The following DEUP1 variants were observed in gnomAD, a reference collection of about 807,000 sequenced individuals.
The protein encoded by DEUP1 is coiled-coil domain containing 67.
A neutral mutation model predicts 87.4 loss-of-function variants in DEUP1; 82 were observed. The ratio of observed to expected loss-of-function variants is 0.94; its 90% confidence interval spans 0.78 to 1.13. The LOEUF (loss-of-function observed/expected upper bound fraction) is 1.13. Ranked by LOEUF, DEUP1 falls within the 50% of genes most tolerant of loss-of-function variation. The pLI is 0.00. For synonymous variants in DEUP1, 214 were observed against 222.7 expected (o/e 0.96, Z 0.35); for missense variants, 663 against 681.5 (o/e 0.97, Z 0.30).
At chr11:93,348,176 A>C (rs1390767281) in intron 2 of DEUP1, among the ~76,000 whole-genome samples, 2 of 152,144 alleles carry the variant, frequency 1.3e-5, no homozygotes, top group Non-Finnish European at 1.5e-5. Flanking sequence ...ATTTCTGTGG[A>C]GTCAGTGGTA....
At chr11:93,417,921 G>T (rs1465132929) in intron 13 of DEUP1, among the ~76,000 whole-genome samples, 3 of 151,552 alleles carry the variant, frequency 2.0e-5, no homozygotes, top group Non-Finnish European at 4.4e-5. Context: ...AGAAAAACAA[G>T]CAATGGGGAA....
intron 5 of DEUP1, among the ~76,000 whole-genome samples, chr11:93,368,185 C>T (rs1238734710): frequency 6.6e-6 from 1 of 152,214 alleles, no homozygotes; most frequent in Admixed American, 6.5e-5. Context: ...CCCAGTTATA[C>T]CAATTGGTAC....
intron 13 of DEUP1, among the ~76,000 whole-genome samples, chr11:93,415,731 T>C (rs1487209225): frequency 1.3e-5 from 2 of 151,984 alleles, no homozygotes; most frequent in East Asian, 3.9e-4. Flanking sequence ...TATCATATGA[T>C]ATATATTATT....
rs1051864468 is a variant in DEUP1 at position 93,438,433 on chromosome 11, C to T, written c.*714C>T. 1.3e-4 allele frequency: 20 copies of T among 152,092 alleles called. No homozygotes were observed. Among genetic ancestry groups the T allele is most frequent in the African/African-American group, 4.3e-4 (18 of 41,424 alleles). The allele number at this position is 152,092 out of a possible 1,614,324, so 9.4% of individuals were successfully genotyped here. A position where few individuals can be genotyped will look rare whatever the true frequency, so the allele number is the denominator to read the frequency against. On this transcript the variant is annotated 3_prime_UTR_variant, in exon 14 of 14. Coordinates refer to ENST00000298050, the MANE Select transcript of DEUP1 (RefSeq NM_181645.4). ...GTTGCTACATTTTCCTTTGTAATCACTTCTGTTTTTAATACAATAAAGGAA... is the reference window on the plus strand; with the variant it reads ...GTTGCTACATTTTCCTTTGTAATCATTTCTGTTTTTAATACAATAAAGGAA...
At position 93,342,203 on chromosome 11, in the gene DEUP1, G is replaced by A. The variant is rs550686039; in HGVS notation, c.29+9915G>A. Among the ~76,000 whole-genome samples the A allele has an allele frequency of 5.9e-5, 9 of 152,308 alleles. No homozygotes were observed. In the South Asian group the frequency reaches 1.9e-3, roughly 32 times the overall value. ...AGCCTACTTCATATGGGAATAGGAA[G>A]TGAAACAGGGAAGGCAGGTTACCGG... is the stretch of plus-strand genomic sequence containing the variant. On this transcript the variant is annotated intron_variant, in intron 2 of 13. Transcript: ENST00000298050.
At chr11:93,397,184 A>G (rs1184061712) in intron 11 of DEUP1, among the ~76,000 whole-genome samples, 1 of 152,184 alleles carries the variant, frequency 6.6e-6, no homozygotes, top group Non-Finnish European at 1.5e-5. Context: ...GACATTCTCC[A>G]TTGGCCCTCC....
At chr11:93,433,911 C>A (rs1320242428) in intron 13 of DEUP1, among the ~76,000 whole-genome samples, 1 of 152,186 alleles carries the variant, frequency 6.6e-6, no homozygotes, top group East Asian at 1.9e-4. Flanking sequence ...CTGTGTCCAT[C>A]AATCAGTCAT....
chr11:93,351,409 T>G (rs186182468), intron 2 of DEUP1, among the ~76,000 whole-genome samples: 4 of 152,236 alleles, frequency 2.6e-5, no homozygotes, highest in African/African-American at 4.8e-5. Flanking sequence ...GCTGTGGTAC[T>G]ATACTAGGCT....
intron 13 of DEUP1, among the ~76,000 whole-genome samples, chr11:93,419,854 T>TAATAAAATAA (rs200181053): frequency 1.4e-5 from 2 of 145,706 alleles, no homozygotes; most frequent in African/African-American, 5.1e-5. Flanking sequence ...TTCAAAAAAA[T>TAATAAAATAA]AATAAAATAA....
chr11:93,432,410 AAG>A (rs1948131057), intron 13 of DEUP1, among the ~76,000 whole-genome samples: 1 of 152,194 alleles, frequency 6.6e-6, no homozygotes, highest in African/African-American at 2.4e-5. Context: ...CGTAATGAGT[AAG>A]AAAGTGAACA....
In DEUP1 at chr11:93,385,502, A is replaced by G; in HGVS notation, c.894A>G (p.Leu298=). ...GATTGCAATTACACAGAGAATTATT[A>G]AAAATAGGAGAGTGCCAAAATGCTC... ...MERLQLHREL[L]KIGECQNAQG... is the part of the protein sequence containing the mutation. Residue 298 remains leucine (L), a synonymous_variant, in exon 8 of 14, where the codon TTA becomes TTG. Transcript: ENST00000298050. 2.5e-6 allele frequency: 4 copies of G among 1,610,990 alleles called. No homozygotes were observed. The highest frequency in any genetic ancestry group is 3.4e-6 in the Non-Finnish European group (4 of 1,178,638).
intron 13 of DEUP1, among the ~76,000 whole-genome samples, chr11:93,436,807 T>A (rs1251898216): frequency 6.6e-6 from 1 of 152,104 alleles, no homozygotes; most frequent in Non-Finnish European, 1.5e-5. Context: ...CAAAAAAAAA[T>A]TACTTAATTT....
chr11:93,342,984 T>C (rs1298642560), intron 2 of DEUP1, among the ~76,000 whole-genome samples: 1 of 152,158 alleles, frequency 6.6e-6, no homozygotes, highest in Non-Finnish European at 1.5e-5. Flanking sequence ...GGGAGTCTAG[T>C]GCTCTGTTTT....
intron 11 of DEUP1, among the ~76,000 whole-genome samples, chr11:93,404,258 C>A (rs1947202616): frequency 6.6e-6 from 1 of 151,992 alleles, no homozygotes; most frequent in South Asian, 2.1e-4. Context: ...TCTTATTCTG[C>A]TCTTGGGTAG....
intron 7 of DEUP1, among the ~76,000 whole-genome samples, chr11:93,377,095 G>A (rs1485744428): frequency 6.6e-6 from 1 of 152,116 alleles, no homozygotes; most frequent in Admixed American, 6.5e-5. Flanking sequence ...TATATTTGCA[G>A]TTGTTGCATA....
chr11:93,433,077 A>AT (rs1948149707), intron 13 of DEUP1, among the ~76,000 whole-genome samples: 1 of 152,202 alleles, frequency 6.6e-6, no homozygotes. Context: ...CTAGATTGAC[A>AT]TATCTCACTG....
intron 4 of DEUP1, among the ~76,000 whole-genome samples, chr11:93,360,732 T>C (rs144555101): frequency 7.8e-4 from 118 of 151,846 alleles, no homozygotes; most frequent in African/African-American, 2.7e-3. Context: ...ATAGAAATTA[T>C]CCAATCTGAA....
intron 13 of DEUP1, among the ~76,000 whole-genome samples, chr11:93,420,234 T>C (rs1368832823): frequency 6.6e-6 from 1 of 152,214 alleles, no homozygotes; most frequent in Non-Finnish European, 1.5e-5. Context: ...GTGGGCTTCA[T>C]CCCTGGGATG....
intron 3 of DEUP1, 25 bp downstream of exon 3, chr11:93,355,567 T>C: frequency 1.9e-6 from 3 of 1,586,018 alleles, no homozygotes; most frequent in Non-Finnish European, 1.7e-6. Flanking sequence ...TGTTAACAAA[T>C]TGCTAATTCA....
Sources: allele counts gnomAD v4.1 joint callset (sites outside exome capture counted in the v4.1 genomes callset), GRCh38; gene constraint gnomAD v4.1.1; transcripts MANE v1.5; gene names NCBI Gene and HGNC (gene_info 2026-07-23, HGNC 2026-07-21).